The following ARHGAP6 variants were observed in gnomAD, a reference collection of about 807,000 sequenced individuals.
ARHGAP6 encodes the protein Rho GTPase activating protein 6.
A neutral mutation model predicts 55.7 loss-of-function variants in ARHGAP6; 16 were observed. The ratio of observed to expected loss-of-function variants is 0.29; its 90% CI spans 0.19 to 0.44. ARHGAP6 has a LOEUF of 0.44. ARHGAP6 is among the 20% of genes least tolerant of loss of function. The pLI is 1.00. For synonymous variants in ARHGAP6, 382 were observed against 360.9 expected, an observed-to-expected ratio of 1.06 and a Z score of -0.66; for missense variants, 698 against 808.9, an observed-to-expected ratio of 0.86 and a Z score of 1.66.
intron 1 of ARHGAP6, among the ~76,000 whole-genome samples, chrX:11,452,064 GTTCA>G (rs1160952674): frequency 2.7e-5 from 3 of 112,487 alleles, no homozygotes; most frequent in Middle Eastern, 9.2e-3. Flanking sequence ...TAACCACATT[GTTCA>G]TTCATTCATT....
At chrX:11,489,901 G>A (rs1200131225) in intron 1 of ARHGAP6, among the ~76,000 whole-genome samples, 1 of 111,571 alleles carries the variant, frequency 9.0e-6, no homozygotes, top group East Asian at 2.8e-4. Context: ...TGTTGGAAAT[G>A]TAAGGTAAAA....
chrX:11,229,171 G>T, intron 2 of ARHGAP6, among the ~76,000 whole-genome samples: 1 of 112,071 alleles, frequency 8.9e-6, no homozygotes, highest in East Asian at 2.8e-4. Context: ...TTAGGTTAAA[G>T]AGACAATTCC....
chrX:11,404,815 C>T (rs753819383), intron 1 of ARHGAP6, among the ~76,000 whole-genome samples: 13 of 112,154 alleles, frequency 1.2e-4, no homozygotes, highest in Admixed American at 3.8e-4. Flanking sequence ...AAGCACACAT[C>T]CTGGATAGCT....
At chrX:11,563,374 G>A (rs964023004) in intron 1 of ARHGAP6, among the ~76,000 whole-genome samples, 3 of 110,947 alleles carry the variant, frequency 2.7e-5, no homozygotes, top group African/African-American at 9.8e-5. Context: ...AATAACAAAA[G>A]TAATGGAACA....
intron 2 of ARHGAP6, among the ~76,000 whole-genome samples, chrX:11,213,029 T>G (rs2046827613): frequency 8.9e-6 from 1 of 112,346 alleles, no homozygotes. Context: ...GGGGCAAGGG[T>G]GGCTCTCTGA....
intron 1 of ARHGAP6, among the ~76,000 whole-genome samples, chrX:11,394,228 C>A (rs2049448414): frequency 8.9e-6 from 1 of 112,043 alleles, no homozygotes; most frequent in African/African-American, 3.2e-5. Context: ...CCTGCTGCAA[C>A]ATGAATGAGC....
intron 2 of ARHGAP6, among the ~76,000 whole-genome samples, chrX:11,227,154 G>A (rs1425538271): frequency 9.0e-6 from 1 of 111,591 alleles, no homozygotes; most frequent in Non-Finnish European, 1.9e-5. Flanking sequence ...AAATTTTCAA[G>A]CAACTTAAGG....
chrX:11,624,113 T>C (rs2052265624), intron 1 of ARHGAP6, among the ~76,000 whole-genome samples: 1 of 111,739 alleles, frequency 8.9e-6, no homozygotes, highest in African/African-American at 3.3e-5. Flanking sequence ...TACAAAAACA[T>C]ACAATGGGGA....
intron 1 of ARHGAP6, among the ~76,000 whole-genome samples, chrX:11,599,780 A>G (rs1463030021): frequency 8.9e-6 from 1 of 111,940 alleles, no homozygotes; most frequent in Non-Finnish European, 1.9e-5. Flanking sequence ...TGTTCTTACC[A>G]TACACACACA....
At chrX:11,245,681 T>A (rs1035088563) in intron 2 of ARHGAP6, among the ~76,000 whole-genome samples, 1 of 111,678 alleles carries the variant, frequency 9.0e-6, no homozygotes, top group Non-Finnish European at 1.9e-5. Context: ...TGAAAGAGAA[T>A]CAGATAGAAG....
intron 1 of ARHGAP6, among the ~76,000 whole-genome samples, chrX:11,563,791 G>A (rs1328393823): frequency 1.8e-5 from 2 of 109,520 alleles, no homozygotes; most frequent in African/African-American, 6.5e-5. Context: ...ACAAATGCTG[G>A]TATTCTTAGT....
At chrX:11,425,954 T>C (rs1286823158) in intron 1 of ARHGAP6, among the ~76,000 whole-genome samples, 1 of 111,742 alleles carries the variant, frequency 8.9e-6, no homozygotes, top group Admixed American at 9.5e-5. Context: ...GCACAGACTC[T>C]ACTTCCTTCA....
intron 1 of ARHGAP6, among the ~76,000 whole-genome samples, chrX:11,493,835 C>CTTTTTT (rs35315280): frequency 1.1e-5 from 1 of 88,399 alleles, no homozygotes; most frequent in African/African-American, 4.1e-5. Flanking sequence ...AACAGAATGC[C>CTTTTTT]TTTTTTTTTT....
At chrX:11,149,011 T>C (rs2045737386) in intron 10 of ARHGAP6, among the ~76,000 whole-genome samples, 1 of 112,006 alleles carries the variant, frequency 8.9e-6, no homozygotes, top group Admixed American at 9.4e-5. Context: ...CTTTGACAGA[T>C]TGCTAGGGAT....
intron 1 of ARHGAP6, among the ~76,000 whole-genome samples, chrX:11,608,923 A>C (rs2052069419): frequency 9.0e-6 from 1 of 111,456 alleles, no homozygotes; most frequent in African/African-American, 3.3e-5. Context: ...CAGTGTAAAA[A>C]CGGACTAATA....
At position 11,358,431 on chromosome X, in the gene ARHGAP6, ATCTTTCTTTCTTTCTT is replaced by A. The variant is rs546950014; in HGVS notation, c.589-103740_589-103725del. Among the ~76,000 whole-genome samples the A allele has an allele frequency of 7.8e-3, 563 of 72,491 alleles. 3 individuals are homozygous for A. Among genetic ancestry groups the A allele is most frequent in the Middle Eastern group, 0.039 (5 of 127 alleles). 62.9% of individuals were successfully genotyped at this position (72,491 alleles called of 115,157 possible). On this transcript the variant is annotated intron_variant, in intron 1 of 12. Transcript: ENST00000337414. Reference sequence around the variant, plus strand: ...TATGGTAGTTCTACGTTTTAACTGTATCTTTCTTTCTTTCTTTCTTTCTTTCTTTCTTTCTTTCTTT... The same window carrying A: ...TATGGTAGTTCTACGTTTTAACTGTATCTTTCTTTCTTTCTTTCTTTCTTT...
chrX:11,306,062 T>C (rs2048234910), intron 1 of ARHGAP6, among the ~76,000 whole-genome samples: 1 of 111,610 alleles, frequency 9.0e-6, no homozygotes, highest in Non-Finnish European at 1.9e-5. Flanking sequence ...CAGCCATCAG[T>C]GACCCTCACC....
At chrX:11,433,273 G>T (rs1403925234) in intron 1 of ARHGAP6, among the ~76,000 whole-genome samples, 1 of 112,160 alleles carries the variant, frequency 8.9e-6, no homozygotes, top group African/African-American at 3.2e-5. Flanking sequence ...GATAATCCGA[G>T]AATTCAGGGA....
intron 1 of ARHGAP6, among the ~76,000 whole-genome samples, chrX:11,265,229 T>C (rs1292353277): frequency 8.9e-6 from 1 of 112,229 alleles, no homozygotes; most frequent in Non-Finnish European, 1.9e-5. Context: ...TCCTCTTTTG[T>C]AAAAGACAGC....
Sources: allele counts gnomAD v4.1 joint callset (sites outside exome capture counted in the v4.1 genomes callset), GRCh38; gene constraint gnomAD v4.1.1; transcripts MANE v1.5; gene names NCBI Gene and HGNC (gene_info 2026-07-23, HGNC 2026-07-21).